The following PRKAG2 variants were observed in gnomAD, a reference collection of about 807,000 sequenced individuals.
The protein encoded by PRKAG2 is protein kinase AMP-activated non-catalytic subunit gamma 2, also known as 5'-AMP-activated protein kinase subunit gamma-2.
PRKAG2 carries 26 observed loss-of-function variants against 69.6 expected under a neutral mutation model. The observed-to-expected ratio is 0.37, with a 90% CI of 0.27 to 0.52. The LOEUF (loss-of-function observed/expected upper bound fraction) is 0.52, where lower values mean the gene tolerates loss of function less well. Ranked by LOEUF, PRKAG2 falls within the 20% of genes least tolerant of loss-of-function variation. The probability of loss-of-function intolerance (pLI) is 0.90; values close to 1 mark genes in which losing one functional copy is unlikely to be tolerated. For synonymous variants in PRKAG2, 293 were observed against 285.0 expected (o/e 1.03, Z -0.28); for missense variants, 557 against 740.0 (o/e 0.75, Z 2.87).
chr7:151,836,646 T>A lies in PRKAG2; in HGVS notation c.114+39861A>T, dbSNP rs1398969224. Among the ~76,000 whole-genome samples the A allele has an allele frequency of 6.6e-6, 1 of 152,164 alleles. No individual in the cohort carries two copies. The highest frequency in any genetic ancestry group is 1.5e-5 in the Non-Finnish European group (1 of 68,028). On this transcript the variant is annotated intron_variant, in intron 1 of 15. Transcript: ENST00000287878. The surrounding 1 kb of genome is among the most constrained non-coding windows in gnomAD (Gnocchi z 4.1). Reference sequence around the variant, plus strand: ...TCCCAGCTGTGCCTCTGGCCTCCTGTCTGGGTGCAGCCTTAGCGGGGCACA... The same window carrying A: ...TCCCAGCTGTGCCTCTGGCCTCCTGACTGGGTGCAGCCTTAGCGGGGCACA...
At chr7:151,703,906 AC>A (rs1563476585) in intron 3 of PRKAG2, among the ~76,000 whole-genome samples, 8 of 134,452 alleles carry the variant, frequency 6.0e-5, no homozygotes, top group East Asian at 2.1e-4. Flanking sequence ...ACACACACAC[AC>A]ACAAATTAGC....
intron 3 of PRKAG2, among the ~76,000 whole-genome samples, chr7:151,732,975 G>A (rs534163654): frequency 4.1e-4 from 63 of 152,340 alleles, no homozygotes; most frequent in African/African-American, 1.4e-3. Context: ...TTACAGGTGT[G>A]AGCCACCGTG....
rs1563117409 is a variant in PRKAG2, at chr7:151,556,455, AGC to A, written c.*744_*745del. 2 of 152,810 alleles carry A rather than the reference AGC, an allele frequency of 1.3e-5. No individual in the cohort carries two copies. Among genetic ancestry groups the A allele is most frequent in the African/African-American group, 2.4e-5 (1 of 41,592 alleles). The allele number at this position is 152,810 out of a possible 1,614,324, so 9.5% of individuals were successfully genotyped here. ...GAGACCTCAGCTTTTAAAACCCAGCAGCGGCTATTTCAGAAGTCATGTCCTTT... is the reference window on the plus strand; with the variant it reads ...GAGACCTCAGCTTTTAAAACCCAGCAGGCTATTTCAGAAGTCATGTCCTTT... On this transcript the variant is annotated 3_prime_UTR_variant, in exon 16 of 16. Coordinates refer to ENST00000287878, the MANE Select transcript of PRKAG2 (RefSeq NM_016203.4).
intron 3 of PRKAG2, among the ~76,000 whole-genome samples, chr7:151,683,516 C>T (rs1259738639): frequency 3.3e-5 from 5 of 152,126 alleles, no homozygotes; most frequent in East Asian, 1.9e-4. Context: ...AGGAACGGAA[C>T]GACAAGAAGG....
intron 1 of PRKAG2, among the ~76,000 whole-genome samples, chr7:151,856,264 G>A (rs2079772652): frequency 1.3e-5 from 2 of 152,214 alleles, no homozygotes; most frequent in African/African-American, 2.4e-5. Context: ...CAGCCAATGA[G>A]AGGTGTGGCA....
At chr7:151,866,241 C>A (rs185646678) in intron 1 of PRKAG2, among the ~76,000 whole-genome samples, 1 of 152,122 alleles carries the variant, frequency 6.6e-6, no homozygotes, top group African/African-American at 2.4e-5. Context: ...AGCCTCATCC[C>A]CTACCCCAGG....
At chr7:151,575,100 T>A in intron 7 of PRKAG2, 151 bp from the exon 8 acceptor site, 2 of 1,229,318 alleles carry the variant, frequency 1.6e-6, no homozygotes, top group Non-Finnish European at 2.2e-6. Flanking sequence ...TTAAAACTAT[T>A]GATGTGTTAA....
At chr7:151,832,235 A>AGGAAG (rs2079044820) in intron 1 of PRKAG2, among the ~76,000 whole-genome samples, 2 of 105,884 alleles carry the variant, frequency 1.9e-5, no homozygotes, top group African/African-American at 8.5e-5. Flanking sequence ...AGGGAAGGAG[A>AGGAAG]GGAGGAGGGA....
rs1351900836 is a variant in PRKAG2 at position 151,556,702 on chromosome 7, T to C, written c.*499A>G. On this transcript the variant is annotated 3_prime_UTR_variant, in exon 16 of 16. Transcript: ENST00000287878. ...TACAATTTTAAAGTAATTATTTATA[T>C]TCAAATTACAACTTTTTGACAAATC... The C allele has an allele frequency of 1.9e-5, 3 of 156,924 alleles. No homozygotes were observed. Among genetic ancestry groups the C allele is most frequent in the African/African-American group, 7.2e-5 (3 of 41,496 alleles). The allele number at this position is 156,924 out of a possible 1,614,324, so 9.7% of individuals were successfully genotyped here.
At position 151,729,477 on chromosome 7, in the gene PRKAG2, T is replaced by C. The variant is rs1663332690; in HGVS notation, c.466+51675A>G. ...GGAGGGACAGCCTCAGCCCCAGCTG[T>C]CTGGCACATAATAGGCTCTTAATAG... is the stretch of plus-strand genomic sequence containing the variant. On this transcript the variant is annotated intron_variant, in intron 3 of 15. Transcript: ENST00000287878. 1.3e-5 allele frequency among the ~76,000 whole-genome samples: 2 copies of C among 151,978 alleles called. 1 individual carries two copies. The highest frequency in any genetic ancestry group is 4.2e-4 in the South Asian group (2 of 4,806).
chr7:151,815,662 T>C (rs2078619840), intron 1 of PRKAG2, among the ~76,000 whole-genome samples: 1 of 152,230 alleles, frequency 6.6e-6, no homozygotes, highest in Admixed American at 6.5e-5. Flanking sequence ...GTGAGTATCA[T>C]CAGTTCCTTC....
chr7:151,685,725 C>T (rs931556253), intron 3 of PRKAG2, among the ~76,000 whole-genome samples: 4 of 150,712 alleles, frequency 2.7e-5, no homozygotes, highest in African/African-American at 4.9e-5. Flanking sequence ...GCCACAACTG[C>T]GCCGCTGGAC....
chr7:151,685,400 A>G (rs922806125), intron 3 of PRKAG2, among the ~76,000 whole-genome samples: 2 of 152,206 alleles, frequency 1.3e-5, no homozygotes, highest in Non-Finnish European at 2.9e-5. Context: ...CTCTTGAAAA[A>G]TAGGGTGTTT....
chr7:151,593,539 A>T (rs1189443943), intron 6 of PRKAG2, among the ~76,000 whole-genome samples: 2 of 152,094 alleles, frequency 1.3e-5, no homozygotes, highest in Non-Finnish European at 2.9e-5. Context: ...GTGGTCAGAA[A>T]ATCTGGTATT....
intron 15 of PRKAG2, chr7:151,558,201 A>G (rs1163086574): frequency 2.2e-5 from 22 of 985,334 alleles, no homozygotes; most frequent in Non-Finnish European, 2.7e-5. Context: ...TGAGAAAGAG[A>G]AAGTGTTATT....
intron 5 of PRKAG2, among the ~76,000 whole-genome samples, chr7:151,602,125 G>A (rs1352439497): frequency 6.6e-6 from 1 of 152,248 alleles, no homozygotes; most frequent in East Asian, 1.9e-4. Flanking sequence ...TCGCGCAGCC[G>A]CATGCGCAGT....
At chr7:151,854,482 C>T (rs2151898420) in intron 1 of PRKAG2, among the ~76,000 whole-genome samples, 1 of 152,378 alleles carries the variant, frequency 6.6e-6, no homozygotes, top group South Asian at 2.1e-4. Flanking sequence ...TTCCCCCACA[C>T]ATCACAGGCA....
Position 151,861,411 on chromosome 7 carries a change from C to T in PRKAG2, c.114+15096G>A, listed in dbSNP as rs530908887. On this transcript the variant is annotated intron_variant, in intron 1 of 15. Coordinates refer to ENST00000287878, the MANE Select transcript of PRKAG2 (RefSeq NM_016203.4). The stretch of plus-strand genomic sequence containing the variant: ...GTCATGGTGGTGCATGCTTGTAATC[C>T]CAGCTACTGGGGAGGCTGACACATA... Among the ~76,000 whole-genome samples the T allele has an allele frequency of 1.1e-4, 16 of 151,594 alleles. No homozygotes were observed. In the East Asian group the frequency reaches 2.1e-3, roughly 20 times the overall value.
At chr7:151,656,255 T>C (rs1338871241) in intron 4 of PRKAG2, among the ~76,000 whole-genome samples, 1 of 151,924 alleles carries the variant, frequency 6.6e-6, no homozygotes, top group Non-Finnish European at 1.5e-5. Flanking sequence ...TTCACGACAA[T>C]AAGAAAACCC....
Sources: allele counts gnomAD v4.1 joint callset (sites outside exome capture counted in the v4.1 genomes callset), GRCh38; gene constraint gnomAD v4.1.1; non-coding constraint Gnocchi (gnomAD v3.1); transcripts MANE v1.5; gene names NCBI Gene and HGNC (gene_info 2026-07-23, HGNC 2026-07-21).